The following ATXN10 variants were observed in gnomAD, a reference collection of about 807,000 sequenced individuals.
ATXN10 encodes ataxin 10.
In ATXN10, 28 loss-of-function variants were observed where a neutral mutation model predicts 52.9. The observed-to-expected ratio is 0.53, with a 90% CI of 0.39 to 0.73. The LOEUF (loss-of-function observed/expected upper bound fraction) is 0.73, where lower values mean the gene tolerates loss of function less well. Among genes scored for constraint, ATXN10 ranks in the 30% least tolerant of loss-of-function variants. The pLI, the probability that ATXN10 is intolerant of heterozygous loss-of-function variation, is 0.00. For missense variants in ATXN10, 565 were observed against 577.0 expected, an observed-to-expected ratio of 0.98 and a Z score of 0.21; for synonymous variants, 226 against 221.5, an observed-to-expected ratio of 1.02 and a Z score of -0.18.
intron 6 of ATXN10, among the ~76,000 whole-genome samples, chr22:45,722,743 A>G (rs1924706379): frequency 6.6e-6 from 1 of 151,866 alleles, no homozygotes. Context: ...CTGCTGAACA[A>G]CTTTGATTTC....
At chr22:45,676,930 A>G (rs1922720544) in intron 1 of ATXN10, 1 of 152,250 alleles carries the variant, frequency 6.6e-6, no homozygotes, top group Non-Finnish European at 1.5e-5. Context: ...GGTGTACACC[A>G]CCATGCCCAG....
In ATXN10 at chr22:45,823,989, A is replaced by T. The variant is rs1010861092; in HGVS notation, c.1237+16967A>T. 2.4e-4 allele frequency among the ~76,000 whole-genome samples: 37 copies of T among 152,292 alleles called. No homozygotes were observed. Among genetic ancestry groups the T allele is most frequent in the African/African-American group, 8.7e-4 (36 of 41,546 alleles). On this transcript the variant is annotated intron_variant, in intron 10 of 11. Coordinates refer to ENST00000252934, the MANE Select transcript of ATXN10 (RefSeq NM_013236.4). This position sits in a 1 kb window ranked among gnomAD's most constrained non-coding sequence, Gnocchi z 4.9. The stretch of plus-strand genomic sequence containing the variant: ...TGTGAGCTCCTTGAGAGCAAAGCAC[A>T]TCATGTTTACTTCTTCGTTTTTTGT...
intron 10 of ATXN10, among the ~76,000 whole-genome samples, chr22:45,811,461 G>A (rs1928276601): frequency 6.6e-6 from 1 of 152,072 alleles, no homozygotes; most frequent in Admixed American, 6.5e-5. Context: ...GGTCCCATAA[G>A]GCTGTAATAC....
At chr22:45,748,755 C>T (rs992737417) in intron 9 of ATXN10, among the ~76,000 whole-genome samples, 1 of 152,146 alleles carries the variant, frequency 6.6e-6, no homozygotes, top group Non-Finnish European at 1.5e-5. Context: ...GCTTAGAATT[C>T]CACTTCTTTG....
chr22:45,831,972 C>A (rs940414046), intron 10 of ATXN10, among the ~76,000 whole-genome samples: 8 of 152,208 alleles, frequency 5.3e-5, no homozygotes, highest in Admixed American at 1.3e-4. Context: ...ACCACCTGTC[C>A]AAGTTCATAG....
chr22:45,807,054 T>C, intron 10 of ATXN10, 32 bp downstream of exon 10: 1 of 1,592,602 alleles, frequency 6.3e-7, no homozygotes, highest in Non-Finnish European at 8.6e-7. Context: ...CATGCACAAG[T>C]TTACAGCCGG....
chr22:45,841,200 G>A lies in ATXN10; in HGVS notation c.1238-1791G>A, dbSNP rs932284803. Among the ~76,000 whole-genome samples, 10 of 152,192 alleles carry A rather than the reference G, an allele frequency of 6.6e-5. No homozygotes were observed. The highest frequency in any genetic ancestry group is 2.4e-4 in the African/African-American group (10 of 41,460). ...CAGAAAGGAAATGCAGCCATATAAAGGACCTGGACTTTGTCACGAGAGAAT... is the reference window on the plus strand; with the variant it reads ...CAGAAAGGAAATGCAGCCATATAAAAGACCTGGACTTTGTCACGAGAGAAT... On this transcript the variant is annotated intron_variant, in intron 10 of 11. Transcript: ENST00000252934. This position sits in a 1 kb window ranked among gnomAD's most constrained non-coding sequence, Gnocchi z 5.1.
rs1457237775 is a variant in ATXN10, at chr22:45,840,873, A to G, written c.1238-2118A>G. On this transcript the variant is annotated intron_variant, in intron 10 of 11. Coordinates refer to ENST00000252934, the MANE Select transcript of ATXN10 (RefSeq NM_013236.4). This position sits in a 1 kb window ranked among gnomAD's most constrained non-coding sequence, Gnocchi z 5.8. ...TACCATTAGAGAGTTATACTCATGA[A>G]CAAAAATTCCCCAGTCTTACATTTC... 6.6e-6 allele frequency among the ~76,000 whole-genome samples: 1 copy of G among 152,226 alleles called. No individual in the cohort carries two copies. Among genetic ancestry groups the G allele is most frequent in the East Asian group, 1.9e-4 (1 of 5,196 alleles).
At chr22:45,838,584 C>T (rs2146917579) in intron 10 of ATXN10, among the ~76,000 whole-genome samples, 2 of 152,300 alleles carry the variant, frequency 1.3e-5, no homozygotes, top group Middle Eastern at 6.8e-3. Context: ...ATTTTCTCCC[C>T]TACTCTTTCT....
chr22:45,789,113 A>C lies in ATXN10; in HGVS notation c.1174-17846A>C, dbSNP rs140195857. Among the ~76,000 whole-genome samples the C allele has an allele frequency of 6.4e-4, 98 of 152,294 alleles. No homozygotes were observed. Among genetic ancestry groups the C allele is most frequent in the African/African-American group, 2.3e-3 (96 of 41,564 alleles). The stretch of plus-strand genomic sequence containing the variant: ...CTGCTCTGTATCAGTGCTTCTTCAG[A>C]CTGTATCAGCACATCTTCATGAGCT... On this transcript the variant is annotated intron_variant, in intron 9 of 11. Transcript: ENST00000252934. This position sits in a 1 kb window ranked among gnomAD's most constrained non-coding sequence, Gnocchi z 4.0.
intron 10 of ATXN10, among the ~76,000 whole-genome samples, chr22:45,839,424 A>C (rs988579791): frequency 9.9e-5 from 15 of 152,224 alleles, no homozygotes; most frequent in African/African-American, 3.6e-4. Context: ...CTGGGGCTGC[A>C]GGGGGCTGAG....
intron 6 of ATXN10, among the ~76,000 whole-genome samples, chr22:45,722,773 C>A (rs1419472562): frequency 6.6e-6 from 1 of 152,128 alleles, no homozygotes; most frequent in Admixed American, 6.5e-5. Flanking sequence ...GGGGCCCACC[C>A]TTCCTGTCCT....
rs541794615 is a variant in ATXN10, at chr22:45,796,440, G to A, written c.1174-10519G>A. ...TGATATTTCATTGCCTTTGAAGCAT[G>A]TGATCTCTGTGACCCACACCCTGTT... On this transcript the variant is annotated intron_variant, in intron 9 of 11. Transcript: ENST00000252934. Among the ~76,000 whole-genome samples the A allele has an allele frequency of 2.8e-4, 43 of 152,266 alleles. 1 individual carries two copies. The South Asian group carries it at 8.9e-3, about 32-fold the overall frequency.
rs55969308 is a variant in ATXN10 at position 45,837,484 on chromosome 22, A to G, written c.1238-5507A>G. Among the ~76,000 whole-genome samples, 31,314 of 152,154 alleles carry G rather than the reference A, an allele frequency of 0.21. 4,228 individuals carry two copies. Among genetic ancestry groups the G allele is most frequent in the East Asian group, 0.54 (2,814 of 5,180 alleles). On this transcript the variant is annotated intron_variant, in intron 10 of 11. Coordinates refer to ENST00000252934, the MANE Select transcript of ATXN10 (RefSeq NM_013236.4). The surrounding 1 kb of genome is among the most constrained non-coding windows in gnomAD (Gnocchi z 5.8). Reference sequence around the variant, plus strand: ...TTACCATGTTGGCCAGGCTGGTCTCATACTCCTGACCTCGTGATCCGCCTG... The same window carrying G: ...TTACCATGTTGGCCAGGCTGGTCTCGTACTCCTGACCTCGTGATCCGCCTG...
At chr22:45,711,703 T>TA (rs1000317526) in intron 5 of ATXN10, among the ~76,000 whole-genome samples, 8 of 151,966 alleles carry the variant, frequency 5.3e-5, no homozygotes, top group Non-Finnish European at 1.2e-4. Flanking sequence ...AATATTTAAT[T>TA]AAAAAAAACC....
chr22:45,843,090 A>T lies in ATXN10; in HGVS notation c.1337A>T (p.Asp446Val). Reference sequence around the variant, plus strand: ...AAGATGGAGGAACAGGGGCTGGCAGATGCATCCCTACTTAAAAAAGTGGGT... The same window carrying T: ...AAGATGGAGGAACAGGGGCTGGCAGTTGCATCCCTACTTAAAAAAGTGGGT... ...IAKMEEQGLA[D>V]ASLLKKVGFE... is the part of the protein sequence containing the mutation. Residue 446 changes from aspartate to valine, a missense_variant, in exon 11 of 12, where the codon GAT becomes GTT. Asp to Val is a radical substitution (Grantham distance 152). Coordinates refer to ENST00000252934, the MANE Select transcript of ATXN10 (RefSeq NM_013236.4). This position sits in a 1 kb window ranked among gnomAD's most constrained non-coding sequence, Gnocchi z 4.5. 1 of 1,614,220 alleles carries T rather than the reference A, an allele frequency of 6.2e-7. No homozygotes were observed. Among genetic ancestry groups the T allele is most frequent in the Non-Finnish European group, 8.5e-7 (1 of 1,180,040 alleles).
At chr22:45,812,444 G>A (rs1928312992) in intron 10 of ATXN10, among the ~76,000 whole-genome samples, 1 of 152,222 alleles carries the variant, frequency 6.6e-6, no homozygotes, top group African/African-American at 2.4e-5. Flanking sequence ...ATATGTGTAT[G>A]TGTGCGTGTG....
intron 6 of ATXN10, among the ~76,000 whole-genome samples, chr22:45,723,530 A>C (rs541134504): frequency 6.6e-6 from 1 of 152,150 alleles, no homozygotes; most frequent in African/African-American, 2.4e-5. Context: ...CCTCCTCCTA[A>C]CTTCCCGCCT....
At position 45,828,449 on chromosome 22, in the gene ATXN10, TAG is replaced by T. The variant is rs1928887996; in HGVS notation, c.1238-14538_1238-14537del. Among the ~76,000 whole-genome samples, 3 of 151,780 alleles carry T rather than the reference TAG, an allele frequency of 2.0e-5. No individual in the cohort carries two copies. Among genetic ancestry groups the T allele is most frequent in the Admixed American group, 2.0e-4 (3 of 15,240 alleles). On this transcript the variant is annotated intron_variant, in intron 10 of 11. Coordinates refer to ENST00000252934, the MANE Select transcript of ATXN10 (RefSeq NM_013236.4). This position sits in a 1 kb window ranked among gnomAD's most constrained non-coding sequence, Gnocchi z 4.5. The stretch of plus-strand genomic sequence containing the variant: ...AACAAACTAGAGAATAGAAAAATAA[TAG>T]AGAAAATTATGAAAACAGAAGTTGC...
Sources: gnomAD v4.1 joint callset for allele counts (sites outside exome capture counted in the v4.1 genomes callset) on GRCh38, gnomAD v4.1.1 for gene constraint, Gnocchi (gnomAD v3.1) non-coding constraint, MANE v1.5 for transcripts, NCBI Gene and HGNC (gene_info 2026-07-23, HGNC 2026-07-21) for gene names.